Variants in SNX29 observed in about 807,000 individuals in gnomAD.
SNX29 encodes the protein sorting nexin-29.
Under a neutral mutation model 102.1 loss-of-function variants are expected in SNX29, and 78 were observed. The observed-to-expected ratio is 0.76, with a 90% CI of 0.64 to 0.92. The LOEUF (loss-of-function observed/expected upper bound fraction) is 0.92, where lower values mean the gene tolerates loss of function less well. Ranked by LOEUF, SNX29 falls within the 40% of genes least tolerant of loss-of-function variation. SNX29 has a pLI of 0.00. For synonymous variants in SNX29, 580 were observed against 414.5 expected, an observed-to-expected ratio of 1.40 and a Z score of -4.85; for missense variants, 1,280 against 1,061.7, an observed-to-expected ratio of 1.21 and a Z score of -2.86.
chr16:12,483,573 C>A (rs2088079371), intron 19 of SNX29, among the ~76,000 whole-genome samples: 1 of 152,164 alleles, frequency 6.6e-6, no homozygotes, highest in Admixed American at 6.5e-5. Context: ...CCTCAGCCTC[C>A]CAAAGTGCTG....
At position 12,459,037 on chromosome 16, in the gene SNX29, GC is replaced by G. The variant is rs1161580407; in HGVS notation, c.2038-18677del. On this transcript the variant is annotated intron_variant, in intron 18 of 20. Coordinates refer to ENST00000566228, the MANE Select transcript of SNX29 (RefSeq NM_032167.5). ...TCCCTTTCTCCCTTCCTCCTCCTCCGCCCCCTCCTGCTGTCTTCTTCCCCCA... is the reference window on the plus strand; with the variant it reads ...TCCCTTTCTCCCTTCCTCCTCCTCCGCCCCTCCTGCTGTCTTCTTCCCCCA... 8.6e-5 allele frequency among the ~76,000 whole-genome samples: 5 copies of G among 58,468 alleles called. No individual in the cohort carries two copies. In the Admixed American group the frequency reaches 9.4e-4, roughly 11 times the overall value. The allele number at this position is 58,468 out of a possible 152,430, so 38.4% of individuals were successfully genotyped here. A position where few individuals can be genotyped will look rare whatever the true frequency, so the allele number is the denominator to read the frequency against.
chr16:12,425,484 G>A (rs1041352673), intron 18 of SNX29, among the ~76,000 whole-genome samples: 1 of 142,004 alleles, frequency 7.0e-6, no homozygotes, highest in Admixed American at 7.6e-5. Context: ...TCCATTGCAC[G>A]CTGATTCAGT....
chr16:12,544,588 T>G (rs2077500330), intron 20 of SNX29, among the ~76,000 whole-genome samples: 1 of 152,244 alleles, frequency 6.6e-6, no homozygotes, highest in Non-Finnish European at 1.5e-5. Flanking sequence ...CAGGCATTTC[T>G]TAATGAGTTG....
intron 3 of SNX29, among the ~76,000 whole-genome samples, chr16:12,013,418 G>GA (rs1423968070): frequency 7.1e-6 from 1 of 140,688 alleles, no homozygotes; most frequent in Non-Finnish European, 1.5e-5. Flanking sequence ...CTGAGTGGGG[G>GA]ACAGATTGCT....
chr16:12,541,450 C>G (rs564364114), intron 20 of SNX29, among the ~76,000 whole-genome samples: 1 of 152,232 alleles, frequency 6.6e-6, no homozygotes, highest in East Asian at 1.9e-4. Context: ...TCAAAGGACC[C>G]ACGCTTAGTG....
intron 14 of SNX29, among the ~76,000 whole-genome samples, chr16:12,231,920 A>G (rs1272956039): frequency 6.6e-6 from 1 of 152,192 alleles, no homozygotes; most frequent in Non-Finnish European, 1.5e-5. Flanking sequence ...TTGGTGAATA[A>G]TCAGCTCATT....
chr16:12,417,193 G>C (rs902391394), intron 18 of SNX29, among the ~76,000 whole-genome samples: 4 of 152,208 alleles, frequency 2.6e-5, no homozygotes, highest in Admixed American at 2.0e-4. Context: ...TATGAAACTT[G>C]CATTTCCCTC....
intron 16 of SNX29, among the ~76,000 whole-genome samples, chr16:12,393,428 T>TGCATGCATGCATG (rs2083609379): frequency 2.7e-5 from 4 of 147,692 alleles, no homozygotes; most frequent in South Asian, 2.1e-4. Context: ...ATTCATTCAT[T>TGCATGCATGCATG]CATTCAGTGT....
At chr16:12,272,841 T>G (rs750004647) in intron 14 of SNX29, among the ~76,000 whole-genome samples, 47 of 152,176 alleles carry the variant, frequency 3.1e-4, no homozygotes, top group Non-Finnish European at 5.9e-4. Context: ...TTGCCGCTTT[T>G]TTATTTTTCA....
chr16:12,042,837 C>T, intron 4 of SNX29, 60 bp from the exon 5 acceptor site: 1 of 1,525,940 alleles, frequency 6.6e-7, no homozygotes, highest in Non-Finnish European at 8.9e-7. Context: ...TTTGTGTGTT[C>T]CTCTCCCAGT....
intron 4 of SNX29, among the ~76,000 whole-genome samples, chr16:12,033,366 G>T (rs772803570): frequency 6.6e-6 from 1 of 151,758 alleles, no homozygotes; most frequent in Non-Finnish European, 1.5e-5. Context: ...GCCTCCCAAA[G>T]TGCTGGGATT....
chr16:12,324,400 G>A (rs941657682), intron 15 of SNX29, among the ~76,000 whole-genome samples: 16 of 151,974 alleles, frequency 1.1e-4, no homozygotes, highest in African/African-American at 3.9e-4. Flanking sequence ...TCGCCCTGTG[G>A]AAATGCTCTT....
chr16:12,335,108 A>G (rs548988605), intron 15 of SNX29, among the ~76,000 whole-genome samples: 47 of 151,896 alleles, frequency 3.1e-4, no homozygotes, highest in Non-Finnish European at 5.9e-4. Context: ...GGAGCAGGAC[A>G]CTTAGCAGCA....
rs1567513971 is a variant in SNX29 at position 12,003,002 on chromosome 16, C to T, written c.81C>T (p.Arg27=). Residue 27 remains arginine, a synonymous_variant, in exon 3 of 21, where the codon CGC becomes CGT. Coordinates refer to ENST00000566228, the MANE Select transcript of SNX29 (RefSeq NM_032167.5). ...CTTTTTCTGTGCAGTGCCAGATCCG[C>T]TTTGGAGGGAGAAAGGAGATTGCCT... ...LLDAVKQCQI[R]FGGRKEIASD... is the part of the protein sequence containing the mutation. The T allele has an allele frequency of 6.2e-7, 1 of 1,614,200 alleles. No homozygotes were observed. The highest frequency in any genetic ancestry group is 8.5e-7 in the Non-Finnish European group (1 of 1,180,040).
At chr16:12,545,193 C>T (rs1042686949) in intron 20 of SNX29, among the ~76,000 whole-genome samples, 1 of 152,074 alleles carries the variant, frequency 6.6e-6, no homozygotes. Context: ...ATGGTCAATA[C>T]AAAAAAGGAA....
At chr16:12,458,566 A>G (rs1206274641) in intron 18 of SNX29, among the ~76,000 whole-genome samples, 2 of 152,116 alleles carry the variant, frequency 1.3e-5, no homozygotes, top group Admixed American at 1.3e-4. Context: ...CTAGAGGGAG[A>G]AAGGAAGTAT....
In SNX29 at chr16:12,461,973, AAAAAAATATATATATATATATAT is replaced by A. The variant is rs1384266214; in HGVS notation, c.2038-15744_2038-15722del. Among the ~76,000 whole-genome samples the A allele has an allele frequency of 8.6e-5, 6 of 69,584 alleles. No individual in the cohort carries two copies. In the East Asian group the frequency reaches 2.8e-3, roughly 33 times the overall value. 45.6% of individuals were successfully genotyped at this position (69,584 alleles called of 152,430 possible). A position where few individuals can be genotyped will look rare whatever the true frequency, so the allele number is the denominator to read the frequency against. The stretch of plus-strand genomic sequence containing the variant: ...TCTGTCTCAAAAAAAAAAAAAAAAA[AAAAAAATATATATATATATATAT>A]ATATATATATATATATGTATACACA... On this transcript the variant is annotated intron_variant, in intron 18 of 20. Coordinates refer to ENST00000566228, the MANE Select transcript of SNX29 (RefSeq NM_032167.5).
At chr16:12,381,421 C>A (rs1471837859) in intron 16 of SNX29, among the ~76,000 whole-genome samples, 1 of 69,258 alleles carries the variant, frequency 1.4e-5, no homozygotes. Flanking sequence ...CACCCATCAT[C>A]CACCCACCCA....
chr16:12,037,303 A>C (rs2057503489), intron 4 of SNX29, among the ~76,000 whole-genome samples: 1 of 152,130 alleles, frequency 6.6e-6, no homozygotes, highest in African/African-American at 2.4e-5. Context: ...TTTGACTCCC[A>C]GGCCATTGTT....
Sources: allele counts gnomAD v4.1 joint callset (sites outside exome capture counted in the v4.1 genomes callset), GRCh38; gene constraint gnomAD v4.1.1; transcripts MANE v1.5; gene names NCBI Gene and HGNC (gene_info 2026-07-23, HGNC 2026-07-21).